The following EEF1A1 variants were observed in gnomAD, a reference collection of about 807,000 sequenced individuals.
The protein encoded by EEF1A1 is eukaryotic translation elongation factor 1 alpha 1.
Under a neutral mutation model 38.5 loss-of-function variants are expected in EEF1A1, and 1 was observed. The ratio of observed to expected loss-of-function variants is 0.03; its 90% confidence interval spans 0.01 to 0.12. EEF1A1 has a LOEUF of 0.12. EEF1A1 is among the 10% of genes least tolerant of loss of function. The pLI, the probability that EEF1A1 is intolerant of heterozygous loss-of-function variation, is 1.00. For missense variants in EEF1A1, 184 were observed against 588.3 expected, an observed-to-expected ratio of 0.31 and a Z score of 7.11; for synonymous variants, 229 against 203.7, an observed-to-expected ratio of 1.12 and a Z score of -1.06.
At chr6:73,518,898 G>C (rs1561962933) in intron 4 of EEF1A1, 34 bp downstream of exon 4, 1 of 1,611,096 alleles carries the variant, frequency 6.2e-7, no homozygotes. Context: ...GCCATTCCCA[G>C]AGCTTTTTAA....
rs1582713146 is a variant in EEF1A1, at chr6:73,517,782, G to C, written c.*28C>G. On this transcript the variant is annotated 3_prime_UTR_variant, in exon 8 of 8. Coordinates refer to ENST00000309268, the MANE Select transcript of EEF1A1 (RefSeq NM_001402.6). ...ACCGTTCTTCCACCACTGATTAAGA[G>C]TGGGGTGGCAGGTATTAGGGATAAT... 7.8e-7 allele frequency: 1 copy of C among 1,285,146 alleles called. No individual in the cohort carries two copies. The allele number at this position is 1,285,146 out of a possible 1,614,324, so 79.6% of individuals were successfully genotyped here.
chr6:73,518,974 A>T lies in EEF1A1; in HGVS notation c.579T>A (p.Ile193=). The T allele has an allele frequency of 6.2e-7, 1 of 1,609,104 alleles. No individual in the cohort carries two copies. Among genetic ancestry groups the T allele is most frequent in the Non-Finnish European group, 8.5e-7 (1 of 1,176,728 alleles). ...YNPDTVAFVP[I]SGWNGDNMLE... Reference sequence around the variant, plus strand: ...GCATGTTGTCACCATTCCAACCAGAAATTGGCACAAATGCTACTGTGTCGG... The same window carrying T: ...GCATGTTGTCACCATTCCAACCAGATATTGGCACAAATGCTACTGTGTCGG... Residue 193 remains isoleucine, a synonymous_variant, in exon 4 of 8, where the codon ATT becomes ATA. Coordinates refer to ENST00000309268, the MANE Select transcript of EEF1A1 (RefSeq NM_001402.6).
In EEF1A1 at chr6:73,517,624, C is replaced by T. The variant is rs1765552397; in HGVS notation, c.*186G>A. On this transcript the variant is annotated 3_prime_UTR_variant, in exon 8 of 8. Transcript: ENST00000309268. ...AAAAACTAATAACTTAAAACTGCCA[C>T]ACGCAAAAAAGAAAACCAAAGTGGT... 1 of 443,434 alleles carries T rather than the reference C, an allele frequency of 2.3e-6. No homozygotes were observed. The highest frequency in any genetic ancestry group is 4.0e-6 in the Non-Finnish European group (1 of 250,252). 27.5% of individuals were successfully genotyped at this position (443,434 alleles called of 1,614,324 possible).
chr6:73,520,887 G>A (rs577065951), intron 1 of EEF1A1, 113 bp downstream of exon 1: 2 of 152,750 alleles, frequency 1.3e-5, no homozygotes, highest in African/African-American at 4.8e-5. Context: ...CCAACCCGAA[G>A]CTCGGGATCA....
rs1765502653 is a variant in EEF1A1, at chr6:73,515,880, AACTG to A, written c.*1926_*1929del. 1 of 152,248 alleles carries A rather than the reference AACTG, an allele frequency of 6.6e-6. No individual in the cohort carries two copies. The highest frequency in any genetic ancestry group is 2.4e-5 in the African/African-American group (1 of 41,460). The allele number at this position is 152,248 out of a possible 1,614,324, so 9.4% of individuals were successfully genotyped here. ...ATCTCAATCTCAGTATATGCAAGTA[AACTG>A]ACTCATTCCTGCTTCCAGTGGGAAC... On this transcript the variant is annotated 3_prime_UTR_variant, in exon 8 of 8. Coordinates refer to ENST00000309268, the MANE Select transcript of EEF1A1 (RefSeq NM_001402.6).
At position 73,517,314 on chromosome 6, in the gene EEF1A1, A is replaced by C. The variant is rs112358938; in HGVS notation, c.*496T>G. On this transcript the variant is annotated 3_prime_UTR_variant, in exon 8 of 8. Coordinates refer to ENST00000309268, the MANE Select transcript of EEF1A1 (RefSeq NM_001402.6). The stretch of plus-strand genomic sequence containing the variant: ...TCAGCAACATGCTGCATTTCTCTCC[A>C]GTGTTGTAATCAAAGCAACCCTCCC... 1.3e-5 allele frequency: 2 copies of C among 154,250 alleles called. No individual in the cohort carries two copies. Among genetic ancestry groups the C allele is most frequent in the East Asian group, 3.8e-4 (2 of 5,224 alleles). The allele number at this position is 154,250 out of a possible 1,614,324, so 9.6% of individuals were successfully genotyped here.
chr6:73,518,166 C>G lies in EEF1A1; in HGVS notation c.1128G>C (p.Lys376Asn). 1 of 1,613,416 alleles carries G rather than the reference C, an allele frequency of 6.2e-7. No individual in the cohort carries two copies. Among genetic ancestry groups the G allele is most frequent in the Non-Finnish European group, 8.5e-7 (1 of 1,179,928 alleles). ...AHIACKFAEL[K>N]EKIDRRSGKK... is the part of the protein sequence containing the mutation. ...TACCAGAACGGCGATCAATCTTTTC[C>G]TTCAGCTCAGCAAACTTGCATGCAA... Residue 376 changes from lysine to asparagine, a missense_variant, in exon 7 of 8, where the codon AAG becomes AAC. This residue lies in a region of EEF1A1 where 81 missense variants were observed against 286.3 expected (regional missense o/e 0.28). Transcript: ENST00000309268.
At position 73,520,067 on chromosome 6, in the gene EEF1A1, A is replaced by T. The variant is rs113657688; in HGVS notation, c.-30-11T>A. On this transcript the variant is annotated splice_polypyrimidine_tract_variant and intron_variant, in intron 1 of 7. Coordinates refer to ENST00000309268, the MANE Select transcript of EEF1A1 (RefSeq NM_001402.6). ...TAGTTTTCACGACACCTGAAATGGA[A>T]GAAAAAAACTTTGAACCACTGTCTG... is the stretch of plus-strand genomic sequence containing the variant. The T allele has an allele frequency of 5.2e-4, 819 of 1,576,936 alleles. 3 individuals carry two copies. In the African/African-American group the frequency reaches 9.1e-3, roughly 18 times the overall value.
chr6:73,518,746 T>A lies in EEF1A1; in HGVS notation c.724A>T (p.Thr242Ser), dbSNP rs774411485. ...AGAGGCAGGCGCAAGGGCTTGTCAG[T>A]TGGACGAGTTGGTGGTAGGATGCAG... ...LDCILPPTRP[T>S]DKPLRLPLQD... Residue 242 changes from threonine to serine, a missense_variant, in exon 5 of 8, where the codon ACT (threonine) becomes TCT (serine). Coordinates refer to ENST00000309268, the MANE Select transcript of EEF1A1 (RefSeq NM_001402.6). The A allele has an allele frequency of 1.4e-5, 23 of 1,614,218 alleles. No homozygotes were observed. Among genetic ancestry groups the A allele is most frequent in the Non-Finnish European group, 1.9e-5 (23 of 1,180,038 alleles).
Position 73,519,364 on chromosome 6 carries a change from G to A in EEF1A1, c.297C>T (p.Ile99=), listed in dbSNP as rs11556654. ...GAGATGTCCCTGTAATCATGTTTTT[G>A]ATAAAGTCTCTGTGTCCTGGGGCAT... is the stretch of plus-strand genomic sequence containing the variant. ...IIDAPGHRDF[I]KNMITGTSQA... Residue 99 remains isoleucine (I), a synonymous_variant, in exon 3 of 8, where the codon ATC becomes ATT. Coordinates refer to ENST00000309268, the MANE Select transcript of EEF1A1 (RefSeq NM_001402.6). 4 of 1,612,190 alleles carry A rather than the reference G, an allele frequency of 2.5e-6. No individual in the cohort carries two copies. In the African/African-American group the frequency reaches 4.0e-5, roughly 16 times the overall value.
chr6:73,520,153 C>T (rs1404661930), intron 1 of EEF1A1, 97 bp from the exon 2 acceptor site: 12 of 1,205,180 alleles, frequency 1.0e-5, no homozygotes, highest in Admixed American at 5.3e-5. Flanking sequence ...AGAATTACAT[C>T]AAGTGCCAAG....
Position 73,518,537 on chromosome 6 carries a change from T to C in EEF1A1, c.846A>G (p.Pro282=), listed in dbSNP as rs754552807. 6.1e-5 allele frequency: 99 copies of C among 1,613,928 alleles called. No individual in the cohort carries two copies. The highest frequency in any genetic ancestry group is 8.1e-5 in the Non-Finnish European group (96 of 1,179,928). Residue 282 remains proline, a synonymous_variant, in exon 6 of 8, where the codon CCA becomes CCG. Coordinates refer to ENST00000309268, the MANE Select transcript of EEF1A1 (RefSeq NM_001402.6). ...ATTTTACTTCCGTTGTAACGTTGAC[T>C]GGAGCAAAGGTGACCACCATACCGG... ...LKPGMVVTFA[P]VNVTTEVKSV...
rs1221674093 is a variant in EEF1A1 at position 73,516,600 on chromosome 6, A to T, written c.*1210T>A. ...GAACTCCATCTTAAAAAAAATTTTTAAAAACCATCACACAAACAGAAAGCA... is the reference window on the plus strand; with the variant it reads ...GAACTCCATCTTAAAAAAAATTTTTTAAAACCATCACACAAACAGAAAGCA... On this transcript the variant is annotated 3_prime_UTR_variant, in exon 8 of 8. Coordinates refer to ENST00000309268, the MANE Select transcript of EEF1A1 (RefSeq NM_001402.6). 1.3e-5 allele frequency: 2 copies of T among 152,158 alleles called. No individual in the cohort carries two copies. Among genetic ancestry groups the T allele is most frequent in the African/African-American group, 2.4e-5 (1 of 41,432 alleles). 9.4% of individuals were successfully genotyped at this position (152,158 alleles called of 1,614,324 possible).
Position 73,518,948 on chromosome 6 carries a change from A to G in EEF1A1, c.605T>C (p.Leu202Pro). Residue 202 changes from leucine to proline, a missense_variant, in exon 4 of 8, where the codon CTG becomes CCG. By Grantham distance (98) the Leu-to-Pro change is moderately conservative. This residue lies in a region of EEF1A1 where 46 missense variants were observed against 73.9 expected (regional missense o/e 0.62). Transcript: ENST00000309268. ...GCCACTTACGTTAGCACTTGGCTCC[A>G]GCATGTTGTCACCATTCCAACCAGA... is the stretch of plus-strand genomic sequence containing the variant. Reference protein sequence around the residue: ...PISGWNGDNMLEPSANMPWFK... With the variant: ...PISGWNGDNMPEPSANMPWFK... 1 of 1,611,766 alleles carries G rather than the reference A, an allele frequency of 6.2e-7. No homozygotes were observed. Among genetic ancestry groups the G allele is most frequent in the Non-Finnish European group, 8.5e-7 (1 of 1,178,020 alleles).
In EEF1A1 at chr6:73,518,863, T is replaced by G; in HGVS notation, c.622-15A>C. On this transcript the variant is annotated splice_polypyrimidine_tract_variant and intron_variant, in intron 4 of 7. Coordinates refer to ENST00000309268, the MANE Select transcript of EEF1A1 (RefSeq NM_001402.6). ...AACCAAGGCATCTGAAACACAAGCA[T>G]GCCAATTTGTGTAAGCATGAAATCG... 6.2e-7 allele frequency: 1 copy of G among 1,612,768 alleles called. No individual in the cohort carries two copies.
At position 73,519,628 on chromosome 6, in the gene EEF1A1, T is replaced by A. The variant is rs556653424; in HGVS notation, c.145-112A>T. On this transcript the variant is annotated intron_variant, in intron 2 of 7. Coordinates refer to ENST00000309268, the MANE Select transcript of EEF1A1 (RefSeq NM_001402.6). ...CCACTTTACAACTCCAAGTCCAAAG[T>A]GATTTTAGTCACTTTGGGTTACAGA... 7 of 1,305,732 alleles carry A rather than the reference T, an allele frequency of 5.4e-6. No homozygotes were observed. In the African/African-American group the frequency reaches 7.3e-5, roughly 14 times the overall value. 80.9% of individuals were successfully genotyped at this position (1,305,732 alleles called of 1,614,324 possible). A position where few individuals can be genotyped will look rare whatever the true frequency, so the allele number is the denominator to read the frequency against.
rs1366581927 is a variant in EEF1A1, at chr6:73,516,055, C to G, written c.*1755G>C. ...TTTCTGTCATCCAGCAAATCTTAGA[C>G]TATTTACTTGTGTAAACATTAGATA... On this transcript the variant is annotated 3_prime_UTR_variant, in exon 8 of 8. Coordinates refer to ENST00000309268, the MANE Select transcript of EEF1A1 (RefSeq NM_001402.6). 1 of 152,150 alleles carries G rather than the reference C, an allele frequency of 6.6e-6. No homozygotes were observed. Among genetic ancestry groups the G allele is most frequent in the East Asian group, 1.9e-4 (1 of 5,202 alleles). 9.4% of individuals were successfully genotyped at this position (152,150 alleles called of 1,614,324 possible).
At chr6:73,520,366 CCGCTCTCCCGAG>C (rs973537421) in intron 1 of EEF1A1, 49 of 185,698 alleles carry the variant, frequency 2.6e-4, no homozygotes, top group Admixed American at 1.7e-3. Flanking sequence ...ACTCACCCGC[CCGCTCTCCCGAG>C]CGCCGCGTCC....
At chr6:73,520,214 T>G (rs1765619014) in intron 1 of EEF1A1, 158 bp from the exon 2 acceptor site, 5 of 634,710 alleles carry the variant, frequency 7.9e-6, no homozygotes, top group Non-Finnish European at 1.3e-5. Context: ...CTCCATCGCA[T>G]AAAACCCCTC....
Sources: gnomAD v4.1 joint callset for allele counts on GRCh38, gnomAD v4.1.1 for gene constraint, gnomAD v4.1.1 regional missense constraint, MANE v1.5 for transcripts, NCBI Gene and HGNC (gene_info 2026-07-23, HGNC 2026-07-21) for gene names.